ARHGEF12: variants seen among roughly 807,000 people sequenced by gnomAD.
ARHGEF12 encodes the protein KMT2A/ARHGEF12 fusion protein.
Under a neutral mutation model 211.2 loss-of-function variants are expected in ARHGEF12, and 66 were observed. The ratio of observed to expected loss-of-function variants is 0.31; its 90% CI spans 0.26 to 0.38. The LOEUF is 0.38. Among genes scored for constraint, ARHGEF12 ranks in the 10% least tolerant of loss-of-function variants. The pLI is 1.00. For missense variants in ARHGEF12, 1,429 were observed against 1,869.5 expected, an observed-to-expected ratio of 0.76 and a Z score of 4.34; for synonymous variants, 592 against 638.4, an observed-to-expected ratio of 0.93 and a Z score of 1.09.
chr11:120,361,373 G>T (rs987527511), intron 1 of ARHGEF12, among the ~76,000 whole-genome samples: 1 of 152,190 alleles, frequency 6.6e-6, no homozygotes, highest in Non-Finnish European at 1.5e-5. Flanking sequence ...GATGATCTGA[G>T]GTGGAACAGT....
intron 5 of ARHGEF12, among the ~76,000 whole-genome samples, chr11:120,421,407 T>C (rs144886885): frequency 2.7e-4 from 41 of 150,864 alleles, no homozygotes; most frequent in African/African-American, 9.0e-4. Context: ...CATTTGAATG[T>C]AAAGTCTGAC....
At chr11:120,429,088 T>C (rs1454722705) in intron 8 of ARHGEF12, among the ~76,000 whole-genome samples, 2 of 152,088 alleles carry the variant, frequency 1.3e-5, no homozygotes, top group African/African-American at 4.8e-5. Flanking sequence ...ATATTTCAGG[T>C]AAGAGGTACT....
chr11:120,454,607 G>T (rs1946310021), intron 22 of ARHGEF12, among the ~76,000 whole-genome samples: 1 of 152,098 alleles, frequency 6.6e-6, no homozygotes, highest in South Asian at 2.1e-4. Flanking sequence ...TAGCTGCGTG[G>T]GTCTCGGTTG....
intron 1 of ARHGEF12, among the ~76,000 whole-genome samples, chr11:120,338,232 C>T (rs1942417248): frequency 6.6e-6 from 1 of 152,100 alleles, no homozygotes; most frequent in South Asian, 2.1e-4. Context: ...ATTATTACAC[C>T]GTGAAAAAAT....
At chr11:120,398,705 ATT>A (rs1293750412) in intron 1 of ARHGEF12, among the ~76,000 whole-genome samples, 3 of 152,192 alleles carry the variant, frequency 2.0e-5, no homozygotes, top group Non-Finnish European at 4.4e-5. Flanking sequence ...TAATTACAGC[ATT>A]TGTTATAACT....
At chr11:120,379,203 G>A (rs1468471310) in intron 1 of ARHGEF12, among the ~76,000 whole-genome samples, 1 of 151,896 alleles carries the variant, frequency 6.6e-6, no homozygotes, top group Middle Eastern at 3.2e-3. Flanking sequence ...GTTATAAATA[G>A]CATTTAAAAT....
chr11:120,378,361 T>C (rs751087583), intron 1 of ARHGEF12, among the ~76,000 whole-genome samples: 1 of 152,238 alleles, frequency 6.6e-6, no homozygotes, highest in Non-Finnish European at 1.5e-5. Flanking sequence ...TGTCTTTGTC[T>C]TATTGAGAGG....
At chr11:120,447,930 C>A in intron 19 of ARHGEF12, 24 bp downstream of exon 19, 1 of 1,527,746 alleles carries the variant, frequency 6.5e-7, no homozygotes, top group East Asian at 2.3e-5. Flanking sequence ...TTTTTTTCCC[C>A]TAGAATTTTA....
Position 120,446,968 on chromosome 11 carries a change from T to A in ARHGEF12, c.1472T>A (p.Leu491Gln). 1 of 1,614,174 alleles carries A rather than the reference T, an allele frequency of 6.2e-7. No individual in the cohort carries two copies. Among genetic ancestry groups the A allele is most frequent in the Non-Finnish European group, 8.5e-7 (1 of 1,180,010 alleles). ...EDFRQKRSMG[L>Q]TLAESELTKL... ...TTCAGGCAGAAACGTAGTATGGGAC[T>A]GACCTTGGCTGAAAGCGAGCTGACT... The change falls in exon 18 of 41, where the codon CTG becomes CAG. Residue 491 changes from leucine (L) to glutamine (Q), a missense_variant. Leu to Gln is a moderately radical substitution (Grantham distance 113). Coordinates refer to ENST00000397843, the MANE Select transcript of ARHGEF12 (RefSeq NM_015313.3).
chr11:120,346,627 A>G (rs955872661), intron 1 of ARHGEF12, among the ~76,000 whole-genome samples: 3 of 152,258 alleles, frequency 2.0e-5, no homozygotes, highest in African/African-American at 7.2e-5. Flanking sequence ...ATTTGGAACA[A>G]TAAATAATAT....
In ARHGEF12 at chr11:120,486,863, T is replaced by A. The variant is rs1947409718; in HGVS notation, c.*1786T>A. 1 of 213,176 alleles carries A rather than the reference T, an allele frequency of 4.7e-6. No individual in the cohort carries two copies. The highest frequency in any genetic ancestry group is 9.5e-6 in the Non-Finnish European group (1 of 105,492). 13.2% of individuals were successfully genotyped at this position (213,176 alleles called of 1,614,324 possible). On this transcript the variant is annotated 3_prime_UTR_variant, in exon 41 of 41. Coordinates refer to ENST00000397843, the MANE Select transcript of ARHGEF12 (RefSeq NM_015313.3). ...GTGGATCAACTTGGATCTTTAGACC[T>A]CATCTATAAATTGAAATTATATTTT...
In ARHGEF12 at chr11:120,458,049, T is replaced by G. The variant is rs775719608; in HGVS notation, c.2226-31T>G. ...GTTTCTCATTGTCCACCTAAAGTCT[T>G]CAAATTGAATTCACTCTTTTTTCTT... On this transcript the variant is annotated intron_variant, in intron 24 of 40. Transcript: ENST00000397843. 17 of 1,593,202 alleles carry G rather than the reference T, an allele frequency of 1.1e-5. No homozygotes were observed. In the South Asian group the frequency reaches 1.6e-4, roughly 15 times the overall value.
chr11:120,431,964 C>T, intron 11 of ARHGEF12, 53 bp downstream of exon 11: 1 of 1,465,546 alleles, frequency 6.8e-7, no homozygotes, highest in South Asian at 1.5e-5. Flanking sequence ...CTTTACAGCC[C>T]CTTTCTAGAT....
At chr11:120,350,181 C>T (rs1942891670) in intron 1 of ARHGEF12, among the ~76,000 whole-genome samples, 1 of 152,146 alleles carries the variant, frequency 6.6e-6, no homozygotes, top group South Asian at 2.1e-4. Context: ...AAGAAATTTA[C>T]ATGATAGAGT....
intron 39 of ARHGEF12, among the ~76,000 whole-genome samples, 184 bp downstream of exon 39, chr11:120,481,760 CTTTTTTT>C (rs765155466): frequency 1.4e-5 from 2 of 138,410 alleles, no homozygotes; most frequent in Non-Finnish European, 1.6e-5. Flanking sequence ...TTCTTTCTTT[CTTTTTTT>C]TTTTTTTTTT....
At chr11:120,378,356 T>G (rs533435333) in intron 1 of ARHGEF12, among the ~76,000 whole-genome samples, 2 of 152,336 alleles carry the variant, frequency 1.3e-5, no homozygotes, top group East Asian at 3.9e-4. Context: ...TGGCTTGTCT[T>G]TGTCTTATTG....
chr11:120,479,733 G>A (rs1269751071), intron 37 of ARHGEF12, among the ~76,000 whole-genome samples: 3 of 152,072 alleles, frequency 2.0e-5, no homozygotes, highest in East Asian at 1.9e-4. Context: ...TTAGTTTAAC[G>A]TTAAATCTTC....
In ARHGEF12 at chr11:120,480,146, G is replaced by C; in HGVS notation, c.3953G>C (p.Gly1318Ala). 2.5e-6 allele frequency: 4 copies of C among 1,614,200 alleles called. No homozygotes were observed. Among genetic ancestry groups the C allele is most frequent in the Non-Finnish European group, 3.4e-6 (4 of 1,180,036 alleles). ...GAAGGACATATGCCCTTTAGAACTGGAACTGGTGACATTGCAACTTGTTAC... is the reference window on the plus strand; with the variant it reads ...GAAGGACATATGCCCTTTAGAACTGCAACTGGTGACATTGCAACTTGTTAC... Reference protein sequence around the residue: ...SGEGHMPFRTGTGDIATCYSP... With the variant: ...SGEGHMPFRTATGDIATCYSP... Residue 1318 changes from glycine (G) to alanine (A), a missense_variant, in exon 38 of 41, where the codon GGA becomes GCA. Around this residue, in one of 7 missense-constraint regions of ARHGEF12, gnomAD observed 467 missense variants for 468.4 expected, o/e 1.00. Transcript: ENST00000397843.
At chr11:120,362,425 A>G (rs1390000894) in intron 1 of ARHGEF12, among the ~76,000 whole-genome samples, 2 of 152,212 alleles carry the variant, frequency 1.3e-5, no homozygotes, top group African/African-American at 4.8e-5. Context: ...GCTATTTTGT[A>G]GTGTGTCTGA....
Sources: gnomAD v4.1 joint callset for allele counts (sites outside exome capture counted in the v4.1 genomes callset) on GRCh38, gnomAD v4.1.1 for gene constraint, gnomAD v4.1.1 regional missense constraint, MANE v1.5 for transcripts, NCBI Gene and HGNC (gene_info 2026-07-23, HGNC 2026-07-21) for gene names.